Variants in DNAH11 observed in about 807,000 individuals in gnomAD.
DNAH11 encodes dynein axonemal heavy chain 11, also known as axonemal beta dynein heavy chain 11.
Under a neutral mutation model 526.0 loss-of-function variants are expected in DNAH11, and 442 were observed. The observed-to-expected ratio is 0.84, with a 90% confidence interval of 0.78 to 0.91. The LOEUF (loss-of-function observed/expected upper bound fraction) is 0.91, where lower values mean the gene tolerates loss of function less well. Among genes scored for constraint, DNAH11 ranks in the 40% least tolerant of loss-of-function variants. The pLI is 0.00. For missense variants in DNAH11, 6,989 were observed against 5,448.7 expected, an observed-to-expected ratio of 1.28 and a Z score of -8.90; for synonymous variants, 2,461 against 1,935.9, an observed-to-expected ratio of 1.27 and a Z score of -7.12.
chr7:21,894,479 C>G, intron 77 of DNAH11, 144 bp from the exon 78 acceptor site: 1 of 782,412 alleles, frequency 1.3e-6, no homozygotes, highest in Admixed American at 3.0e-5. Flanking sequence ...TCCTGGGAGC[C>G]GTAGGCATCC....
At chr7:21,789,211 T>A in intron 60 of DNAH11, 30 bp from the exon 61 acceptor site, 4 of 1,452,406 alleles carry the variant, frequency 2.8e-6, no homozygotes, top group Non-Finnish European at 3.8e-6. Context: ...CTTATCCTCT[T>A]TGTATCTGTA....
intron 22 of DNAH11, 67 bp downstream of exon 22, chr7:21,616,359 A>G: frequency 3.9e-6 from 5 of 1,282,302 alleles, no homozygotes; most frequent in Non-Finnish European, 5.6e-6. Context: ...CATCTTCCCT[A>G]ATCTAGTATC....
intron 61 of DNAH11, among the ~76,000 whole-genome samples, chr7:21,791,285 G>C (rs895573410): frequency 2.6e-5 from 4 of 152,204 alleles, no homozygotes; most frequent in Admixed American, 6.5e-5. Flanking sequence ...CCAGCTTCCA[G>C]TCTGCCACCT....
At chr7:21,623,564 C>T (rs956648348) in intron 25 of DNAH11, among the ~76,000 whole-genome samples, 33 of 152,084 alleles carry the variant, frequency 2.2e-4, no homozygotes, top group African/African-American at 7.7e-4. Context: ...TGGAACCAAC[C>T]CAAATGTCCA....
In DNAH11 at chr7:21,866,476, G is replaced by A. The variant is rs1783283538; in HGVS notation, c.11503G>A (p.Ala3835Thr). 6.2e-7 allele frequency: 1 copy of A among 1,609,924 alleles called. No homozygotes were observed. Among genetic ancestry groups the A allele is most frequent in the South Asian group, 1.1e-5 (1 of 90,320 alleles). Reference protein sequence around the residue: ...SQSWSAIKAIAVMEEFRGIDR... With the variant: ...SQSWSAIKAITVMEEFRGIDR... ...TTTCCCTATCATATTACAGGCAATT[G>A]CCGTCATGGAAGAATTTCGAGGCAT... Residue 3835 changes from alanine to threonine, a missense_variant, in exon 71 of 82, where the codon GCC (alanine) becomes ACC (threonine). Coordinates refer to ENST00000409508, the MANE Select transcript of DNAH11 (RefSeq NM_001277115.2).
intron 25 of DNAH11, among the ~76,000 whole-genome samples, chr7:21,631,531 A>G (rs185559885): frequency 1.3e-5 from 2 of 152,340 alleles, no homozygotes; most frequent in African/African-American, 4.8e-5. Flanking sequence ...TATTGGATAA[A>G]TACAGCCATT....
rs972873091 is a variant in DNAH11, at chr7:21,779,228, A to G, written c.9483+124A>G. On this transcript the variant is annotated intron_variant, in intron 57 of 81. Transcript: ENST00000409508. The stretch of plus-strand genomic sequence containing the variant: ...TAAAGTCTAAAGAATTATTATAGTT[A>G]CACATGTAACAGCATTTCACACCGT... The G allele has an allele frequency of 6.7e-6, 8 of 1,190,560 alleles. No individual in the cohort carries two copies. In the African/African-American group the frequency reaches 1.1e-4, roughly 16 times the overall value. The allele number at this position is 1,190,560 out of a possible 1,614,324, so 73.7% of individuals were successfully genotyped here. A position where few individuals can be genotyped will look rare whatever the true frequency, so the allele number is the denominator to read the frequency against.
At chr7:21,584,620 C>G (rs562023363) in intron 9 of DNAH11, among the ~76,000 whole-genome samples, 1 of 152,164 alleles carries the variant, frequency 6.6e-6, no homozygotes, top group African/African-American at 2.4e-5. Flanking sequence ...TTTATAAGAA[C>G]TCTTCAGTGA....
intron 22 of DNAH11, among the ~76,000 whole-genome samples, chr7:21,616,650 G>T (rs1042262756): frequency 2.0e-5 from 3 of 152,094 alleles, no homozygotes. Context: ...ATCTGAAAAG[G>T]TACCTTTTGG....
In DNAH11 at chr7:21,816,669, T is replaced by G. The variant is rs200972634; in HGVS notation, c.10535T>G (p.Met3512Arg). ...GIKWIKNKYG[M>R]DLKVTHLGQK... ...AAGTGGATCAAGAATAAGTATGGAA[T>G]GGACCTGAAAGTCACACATTTGGGC... is the stretch of plus-strand genomic sequence containing the variant. Residue 3512 changes from methionine to arginine, a missense_variant, in exon 64 of 82, where the codon ATG (methionine) becomes AGG (arginine). Transcript: ENST00000409508. 4 of 1,613,570 alleles carry G rather than the reference T, an allele frequency of 2.5e-6. No homozygotes were observed. The highest frequency in any genetic ancestry group is 3.4e-6 in the Non-Finnish European group (4 of 1,179,740).
intron 31 of DNAH11, 72 bp from the exon 32 acceptor site, chr7:21,683,712 G>T: frequency 6.9e-7 from 1 of 1,440,758 alleles, no homozygotes. Context: ...AACCAGTAGA[G>T]TTGATTAGAT....
chr7:21,669,124 G>A (rs1782534842), intron 30 of DNAH11, among the ~76,000 whole-genome samples: 1 of 152,090 alleles, frequency 6.6e-6, no homozygotes, highest in African/African-American at 2.4e-5. Context: ...ATCCTCTATT[G>A]TGAAGTATCT....
At chr7:21,744,401 C>T (rs757108470) in intron 49 of DNAH11, 37 bp from the exon 50 acceptor site, 3 of 1,601,476 alleles carry the variant, frequency 1.9e-6, no homozygotes, top group East Asian at 2.2e-5. Context: ...TCATCAGCCT[C>T]TGAATTAAAG....
At chr7:21,738,010 G>A (rs756601316) in intron 46 of DNAH11, among the ~76,000 whole-genome samples, 10 of 151,882 alleles carry the variant, frequency 6.6e-5, no homozygotes, top group Admixed American at 2.6e-4. Flanking sequence ...GGCCATTGTC[G>A]GTGGTATAGC....
In DNAH11 at chr7:21,717,911, A is replaced by G. The variant is rs1310248818; in HGVS notation, c.7120A>G (p.Ser2374Gly). The change falls in exon 43 of 82, where the codon AGT (serine) becomes GGT (glycine). Residue 2374 changes from serine to glycine, a missense_variant. Physicochemically the swap from Ser to Gly is moderately conservative, Grantham distance 56. Coordinates refer to ENST00000409508, the MANE Select transcript of DNAH11 (RefSeq NM_001277115.2). ...SFKTITSIPE[S>G]SLVQTLCVLL... ...TAAAACCATCACTTCAATTCCTGAG[A>G]GTAGCCTGGTGCAGGTTTGTCTTCG... 1.2e-6 allele frequency: 2 copies of G among 1,613,120 alleles called. No homozygotes were observed. Among genetic ancestry groups the G allele is most frequent in the Admixed American group, 1.7e-5 (1 of 59,948 alleles).
chr7:21,798,495 T>C (rs576442916), intron 61 of DNAH11, among the ~76,000 whole-genome samples: 68 of 152,216 alleles, frequency 4.5e-4, no homozygotes, highest in Non-Finnish European at 8.1e-4. Context: ...CTCTGTCTCT[T>C]CACAACTGGA....
intron 54 of DNAH11, among the ~76,000 whole-genome samples, chr7:21,756,274 A>G (rs1786635064): frequency 6.6e-6 from 1 of 152,108 alleles, no homozygotes. Flanking sequence ...CGTTTATTAT[A>G]TAATCTCTCT....
At chr7:21,576,026 A>G (rs1784081592) in intron 8 of DNAH11, among the ~76,000 whole-genome samples, 1 of 152,162 alleles carries the variant, frequency 6.6e-6, no homozygotes, top group Non-Finnish European at 1.5e-5. Flanking sequence ...ACTTTTCCCT[A>G]CTGCTCCCAG....
chr7:21,707,558 C>T, intron 39 of DNAH11, 141 bp from the exon 40 acceptor site: 1 of 1,040,240 alleles, frequency 9.6e-7, no homozygotes, highest in Non-Finnish European at 1.3e-6. Flanking sequence ...CACACATGTG[C>T]ATTTTTCCCC....
Sources: gnomAD v4.1 joint callset for allele counts (sites outside exome capture counted in the v4.1 genomes callset) on GRCh38, gnomAD v4.1.1 for gene constraint, MANE v1.5 for transcripts, NCBI Gene and HGNC (gene_info 2026-07-23, HGNC 2026-07-21) for gene names.